NHSL1: variants seen among roughly 807,000 people sequenced by gnomAD.
NHSL1 encodes the protein NHS like 1, also known as NHS-like protein 1.
A neutral mutation model predicts 95.0 loss-of-function variants in NHSL1; 48 were observed. The observed-to-expected ratio is 0.51, with a 90% CI of 0.40 to 0.64. The LOEUF is 0.64. Among genes scored for constraint, NHSL1 ranks in the 30% least tolerant of loss-of-function variants. The pLI, the probability that NHSL1 is intolerant of heterozygous loss-of-function variation, is 0.00. For missense variants in NHSL1, 1,971 were observed against 2,077.7 expected, an observed-to-expected ratio of 0.95 and a Z score of 1.00; for synonymous variants, 783 against 833.9, an observed-to-expected ratio of 0.94 and a Z score of 1.05.
chr6:138,576,724 G>A (rs1783978343), upstream of NHSL1, among the ~76,000 whole-genome samples: 1 of 152,202 alleles, frequency 6.6e-6, no homozygotes, highest in African/African-American at 2.4e-5. Flanking sequence ...TCACCAGCGG[G>A]ACGGAAGCCC....
chr6:138,688,027 C>T (rs766613520), intron 1 of NHSL1, among the ~76,000 whole-genome samples: 1 of 152,156 alleles, frequency 6.6e-6, no homozygotes, highest in Non-Finnish European at 1.5e-5. Flanking sequence ...TCTCGGGTCA[C>T]TACAATATCC....
intron 7 of NHSL1, among the ~76,000 whole-genome samples, chr6:138,425,077 A>G (rs1775173965): frequency 6.6e-6 from 1 of 152,132 alleles, no homozygotes; most frequent in Admixed American, 6.5e-5. Context: ...TCAAAAAAAA[A>G]GAAAAAGTAA....
At chr6:138,580,694 G>A (rs1308136704) in intron 1 of NHSL1, among the ~76,000 whole-genome samples, 8 of 152,178 alleles carry the variant, frequency 5.3e-5, no homozygotes, top group Non-Finnish European at 8.8e-5. Context: ...CAACACAATC[G>A]TTTGGCAAAC....
At chr6:138,647,755 G>A (rs187913582) in intron 1 of NHSL1, among the ~76,000 whole-genome samples, 1 of 152,040 alleles carries the variant, frequency 6.6e-6, no homozygotes, top group East Asian at 1.9e-4. Context: ...TGCGCGCCAT[G>A]CCCGGCTAAT....
intron 5 of NHSL1, 87 bp from the exon 6 acceptor site, chr6:138,433,767 A>T (rs910589972): frequency 4.5e-5 from 62 of 1,389,240 alleles, no homozygotes; most frequent in East Asian, 7.8e-5. Flanking sequence ...ACAGAATTTT[A>T]AAAAAATTTT....
At chr6:138,623,493 C>A (rs2114634724) in intron 1 of NHSL1, among the ~76,000 whole-genome samples, 1 of 152,276 alleles carries the variant, frequency 6.6e-6, no homozygotes, top group Admixed American at 6.5e-5. Context: ...AACCAATTAA[C>A]ATATTACCTC....
At chr6:138,601,817 GAA>G (rs71547097) in intron 1 of NHSL1, among the ~76,000 whole-genome samples, 4 of 145,646 alleles carry the variant, frequency 2.7e-5, no homozygotes, top group African/African-American at 5.4e-5. Flanking sequence ...TCTCAAAAAA[GAA>G]AAAAAAAGTT....
chr6:138,507,444 G>A lies in NHSL1; in HGVS notation c.17-11073C>T, dbSNP rs557512608. Among the ~76,000 whole-genome samples, 7 of 152,294 alleles carry A rather than the reference G, an allele frequency of 4.6e-5. No individual in the cohort carries two copies. In the East Asian group the frequency reaches 1.3e-3, roughly 29 times the overall value. ...TGTGCCAGATTAGAAGAGATTTAAA[G>A]AACATCACAACATGATTCTGGATGG... On this transcript the variant is annotated intron_variant, in intron 1 of 4. Transcript: ENST00000342260.
intron 1 of NHSL1, among the ~76,000 whole-genome samples, chr6:138,562,445 G>C (rs1783446322): frequency 6.6e-6 from 1 of 152,142 alleles, no homozygotes; most frequent in Non-Finnish European, 1.5e-5. Context: ...TCAGGAGTTT[G>C]AGACCAGCCT....
At chr6:138,646,970 G>A (rs138377183) in intron 1 of NHSL1, among the ~76,000 whole-genome samples, 2 of 152,312 alleles carry the variant, frequency 1.3e-5, no homozygotes, top group Non-Finnish European at 2.9e-5. Context: ...GTACTTTAAT[G>A]TGAATGTTGT....
intron 2 of NHSL1, among the ~76,000 whole-genome samples, chr6:138,488,181 G>A (rs888569309): frequency 3.9e-5 from 6 of 151,918 alleles, no homozygotes; most frequent in African/African-American, 9.7e-5. Context: ...GGGATGCTGC[G>A]GCATGAGAAT....
At chr6:138,471,842 C>T (rs1413708068) in intron 3 of NHSL1, among the ~76,000 whole-genome samples, 1 of 152,040 alleles carries the variant, frequency 6.6e-6, no homozygotes, top group Admixed American at 6.6e-5. Flanking sequence ...ACACTGTGCT[C>T]CATAAATGTA....
chr6:138,665,346 T>A (rs1358008693), intron 1 of NHSL1, among the ~76,000 whole-genome samples: 1 of 152,192 alleles, frequency 6.6e-6, no homozygotes, highest in East Asian at 1.9e-4. Context: ...CTGCTGAATA[T>A]CCCCTGGAAG....
rs200054466 is a variant in NHSL1 at position 138,597,232 on chromosome 6, A to AT, written c.96+95243dup. The stretch of plus-strand genomic sequence containing the variant: ...CAAAAGCCTAATTCAGTGCTGGCAT[A>AT]TGAAGCATCAATCCATAAAAATGGC... On this transcript the variant is annotated intron_variant, in intron 1 of 3. Transcript: ENST00000491526. 7.9e-3 allele frequency among the ~76,000 whole-genome samples: 1,200 copies of AT among 152,356 alleles called. 12 individuals are homozygous for AT. Among genetic ancestry groups the AT allele is most frequent in the African/African-American group, 0.027 (1,143 of 41,580 alleles).
intron 1 of NHSL1, among the ~76,000 whole-genome samples, chr6:138,599,716 C>T (rs1263563589): frequency 6.6e-6 from 1 of 152,114 alleles, no homozygotes; most frequent in Admixed American, 6.6e-5. Context: ...GATCTCAAGG[C>T]AAGATCTCAG....
intron 2 of NHSL1, among the ~76,000 whole-genome samples, chr6:138,482,194 A>T (rs945012788): frequency 6.6e-6 from 1 of 152,188 alleles, no homozygotes. Context: ...CACGCCTGTA[A>T]TCCCAACATT....
chr6:138,638,411 A>G (rs1364148305), intron 1 of NHSL1, among the ~76,000 whole-genome samples: 1 of 152,212 alleles, frequency 6.6e-6, no homozygotes, highest in Non-Finnish European at 1.5e-5. Flanking sequence ...TGATGTGATT[A>G]TTATGCATAG....
At position 138,658,505 on chromosome 6, in the gene NHSL1, G is replaced by A. The variant is rs137983236; in HGVS notation, c.96+33971C>T. Among the ~76,000 whole-genome samples, 32 of 152,298 alleles carry A rather than the reference G, an allele frequency of 2.1e-4. No homozygotes were observed. The East Asian group carries it at 4.8e-3, about 23-fold the overall frequency. Reference sequence around the variant, plus strand: ...CATCCTCTCCAAGCTCATCCATATCGTAGCAAATAGTGAGCTTTCCTTATT... The same window carrying A: ...CATCCTCTCCAAGCTCATCCATATCATAGCAAATAGTGAGCTTTCCTTATT... On this transcript the variant is annotated intron_variant, in intron 1 of 3. Coordinates refer to the NHSL1 transcript ENST00000491526.
At chr6:138,471,892 A>T (rs999471116) in intron 3 of NHSL1, among the ~76,000 whole-genome samples, 2 of 152,192 alleles carry the variant, frequency 1.3e-5, no homozygotes, top group African/African-American at 4.8e-5. Flanking sequence ...TAATTACAAA[A>T]TGTAGACCAG....
Sources: allele counts gnomAD v4.1 joint callset (sites outside exome capture counted in the v4.1 genomes callset), GRCh38; gene constraint gnomAD v4.1.1; transcripts MANE v1.5; gene names NCBI Gene and HGNC (gene_info 2026-07-23, HGNC 2026-07-21).